The following TMEM131 variants were observed in gnomAD, a reference collection of about 807,000 sequenced individuals.
The protein encoded by TMEM131 is 2610524E03Rik.
TMEM131 carries 66 observed loss-of-function variants against 211.6 expected under a neutral mutation model. The observed-to-expected ratio is 0.31, with a 90% confidence interval of 0.26 to 0.38. The LOEUF is 0.38. TMEM131 is among the 10% of genes least tolerant of loss of function. The pLI is 1.00. For synonymous variants in TMEM131, 844 were observed against 841.3 expected, an observed-to-expected ratio of 1.00 and a Z score of -0.06; for missense variants, 2,036 against 2,299.3, an observed-to-expected ratio of 0.89 and a Z score of 2.34.
intron 4 of TMEM131, among the ~76,000 whole-genome samples, chr2:97,885,249 G>A (rs1675099793): frequency 6.6e-6 from 1 of 150,534 alleles, no homozygotes; most frequent in Non-Finnish European, 1.5e-5. Context: ...CCAGCCTGGA[G>A]GGCAGTGGCG....
intron 1 of TMEM131, among the ~76,000 whole-genome samples, chr2:97,993,542 G>A (rs528168422): frequency 1.3e-5 from 2 of 152,212 alleles, no homozygotes; most frequent in Non-Finnish European, 2.9e-5. Context: ...ATGATGGGTA[G>A]AGGCCTATGT....
chr2:97,792,552 G>A lies in TMEM131; in HGVS notation c.3978C>T (p.Leu1326=), dbSNP rs1022961029. Residue 1326 remains leucine, a synonymous_variant, in exon 31 of 41, where the codon CTC becomes CTT. Coordinates refer to ENST00000186436, the MANE Select transcript of TMEM131 (RefSeq NM_015348.2). Reference sequence around the variant, plus strand: ...CACGTTCTGGGTGGGAAGGGTGTGCGAGGGGGGCGGGAGACAGCCTTTCAG... The same window carrying A: ...CACGTTCTGGGTGGGAAGGGTGTGCAAGGGGGGCGGGAGACAGCCTTTCAG... ...PQPERLSPAP[L]AHPSHPERAS... 1.7e-5 allele frequency: 28 copies of A among 1,613,292 alleles called. No individual in the cohort carries two copies. Among genetic ancestry groups the A allele is most frequent in the East Asian group, 6.7e-5 (3 of 44,894 alleles).
chr2:97,830,788 C>T (rs915405476), intron 11 of TMEM131, among the ~76,000 whole-genome samples: 1 of 152,200 alleles, frequency 6.6e-6, no homozygotes, highest in Non-Finnish European at 1.5e-5. Context: ...CGCATCCTGT[C>T]TGTTAGCAGT....
At chr2:97,789,159 C>T (rs1245081070) in intron 31 of TMEM131, among the ~76,000 whole-genome samples, 3 of 152,244 alleles carry the variant, frequency 2.0e-5, no homozygotes, top group Non-Finnish European at 4.4e-5. Flanking sequence ...GTCCTCAAGT[C>T]CAGGCTCCGC....
intron 2 of TMEM131, among the ~76,000 whole-genome samples, chr2:97,915,299 A>G (rs1446912860): frequency 6.6e-6 from 1 of 152,058 alleles, no homozygotes; most frequent in Non-Finnish European, 1.5e-5. Context: ...ACATCTTCAC[A>G]TGGTCTTTTG....
chr2:97,865,194 A>G lies in TMEM131; in HGVS notation c.360-5767T>C, dbSNP rs185819251. Among the ~76,000 whole-genome samples the G allele has an allele frequency of 1.0e-3, 157 of 152,390 alleles. 1 individual carries two copies. The highest frequency in any genetic ancestry group is 3.4e-3 in the Middle Eastern group (1 of 294). ...CCCTTCTCAATACGCATTACCAGACAGTAGCTCATAAGTTCACACACCCAA... is the reference window on the plus strand; with the variant it reads ...CCCTTCTCAATACGCATTACCAGACGGTAGCTCATAAGTTCACACACCCAA... On this transcript the variant is annotated intron_variant, in intron 4 of 40. Coordinates refer to ENST00000186436, the MANE Select transcript of TMEM131 (RefSeq NM_015348.2).
intron 1 of TMEM131, among the ~76,000 whole-genome samples, chr2:97,974,398 G>A (rs1162810864): frequency 6.7e-6 from 1 of 149,918 alleles, no homozygotes; most frequent in Non-Finnish European, 1.5e-5. Flanking sequence ...AATGGGGTTG[G>A]GAGGAGGAGG....
At chr2:97,975,962 T>G (rs1679514847) in intron 1 of TMEM131, among the ~76,000 whole-genome samples, 1 of 152,142 alleles carries the variant, frequency 6.6e-6, no homozygotes, top group Admixed American at 6.5e-5. Context: ...TTCATCATGT[T>G]AACCAAAAAA....
At chr2:97,936,133 C>G (rs961332811) in intron 1 of TMEM131, among the ~76,000 whole-genome samples, 1 of 152,144 alleles carries the variant, frequency 6.6e-6, no homozygotes, top group African/African-American at 2.4e-5. Flanking sequence ...AAAGCCTCGA[C>G]CCTGGTAACA....
chr2:97,844,213 T>C lies in TMEM131; in HGVS notation c.532A>G (p.Arg178Gly). 7.5e-7 allele frequency: 1 copy of C among 1,335,292 alleles called. No individual in the cohort carries two copies. The highest frequency in any genetic ancestry group is 9.9e-7 in the Non-Finnish European group (1 of 1,009,314). The allele number at this position is 1,335,292 out of a possible 1,614,324, so 82.7% of individuals were successfully genotyped here. A position where few individuals can be genotyped will look rare whatever the true frequency, so the allele number is the denominator to read the frequency against. ...GTATTTTCTACATTTCCTACTACTC[T>C]TGCAAGAAAAACTACATCAAATGAT... ...NTSFDVVFLA[R>G]VVGNVENTLF... is the part of the protein sequence containing the mutation. The change falls in exon 6 of 41, where the codon AGA (arginine) becomes GGA (glycine). Residue 178 changes from arginine to glycine, a missense_variant. This residue lies in a region of TMEM131 where 277 missense variants were observed against 378.0 expected (regional missense o/e 0.73). Coordinates refer to ENST00000186436, the MANE Select transcript of TMEM131 (RefSeq NM_015348.2).
chr2:97,977,141 T>C (rs1304232432), intron 1 of TMEM131, among the ~76,000 whole-genome samples: 3 of 152,132 alleles, frequency 2.0e-5, no homozygotes, highest in African/African-American at 4.8e-5. Context: ...ACCAAAAACA[T>C]GATCTATAAA....
At chr2:97,831,213 T>C (rs74696414) in intron 11 of TMEM131, among the ~76,000 whole-genome samples, 2,713 of 152,294 alleles carry the variant, frequency 0.018, 113 homozygotes, top group East Asian at 0.15. Flanking sequence ...CAGTGACCTT[T>C]TACAACACAT....
At chr2:97,967,986 TTAC>T (rs1679132057) in intron 1 of TMEM131, among the ~76,000 whole-genome samples, 3 of 151,972 alleles carry the variant, frequency 2.0e-5, no homozygotes, top group Non-Finnish European at 4.4e-5. Flanking sequence ...CTATAATGTC[TTAC>T]TGCCTAAGAC....
chr2:97,915,193 T>TA (rs1467562600), intron 2 of TMEM131, among the ~76,000 whole-genome samples: 1 of 152,272 alleles, frequency 6.6e-6, no homozygotes, highest in African/African-American at 2.4e-5. Context: ...ATTTTTATAC[T>TA]ATTGAGTTTC....
At chr2:97,854,407 A>G (rs906420399) in intron 5 of TMEM131, among the ~76,000 whole-genome samples, 1 of 152,192 alleles carries the variant, frequency 6.6e-6, no homozygotes, top group African/African-American at 2.4e-5. Context: ...AACGGAACCC[A>G]TAATATCTCC....
At position 97,812,422 on chromosome 2, in the gene TMEM131, G is replaced by A. The variant is rs752556643; in HGVS notation, c.1862C>T (p.Ser621Leu). 8 of 1,598,380 alleles carry A rather than the reference G, an allele frequency of 5.0e-6. No homozygotes were observed. Among genetic ancestry groups the A allele is most frequent in the East Asian group, 2.2e-5 (1 of 44,744 alleles). Residue 621 changes from serine (S) to leucine (L), a missense_variant and splice_region_variant, in exon 17 of 41, where the codon TCG becomes TTG. Physicochemically the swap from Ser to Leu is moderately radical, Grantham distance 145 (BLOSUM62 -2). Coordinates refer to ENST00000186436, the MANE Select transcript of TMEM131 (RefSeq NM_015348.2). Reference sequence around the variant, plus strand: ...GGAGACAATAGAAAGTTTACTTACCGATGATTGATCTGATAAAGAGGATTT... The same window carrying A: ...GGAGACAATAGAAAGTTTACTTACCAATGATTGATCTGATAAAGAGGATTT... ...FEKSSLSDQS[S>L]VTLASGYFAV...
At chr2:97,983,087 G>A (rs1248889379) in intron 1 of TMEM131, among the ~76,000 whole-genome samples, 1 of 152,130 alleles carries the variant, frequency 6.6e-6, no homozygotes, top group African/African-American at 2.4e-5. Flanking sequence ...GAAGCTCAGG[G>A]GTTGCCTTTG....
At chr2:97,831,950 A>C (rs1421967247) in intron 11 of TMEM131, among the ~76,000 whole-genome samples, 1 of 133,036 alleles carries the variant, frequency 7.5e-6, no homozygotes, top group Non-Finnish European at 1.6e-5. Flanking sequence ...TACAGGCGTG[A>C]GGCCACCATG....
At chr2:97,831,839 G>A (rs1441894227) in intron 11 of TMEM131, among the ~76,000 whole-genome samples, 2 of 150,932 alleles carry the variant, frequency 1.3e-5, no homozygotes, top group African/African-American at 2.4e-5. Context: ...GCTAATTTTT[G>A]TATTTTTGGT....
Sources: gnomAD v4.1 joint callset for allele counts (sites outside exome capture counted in the v4.1 genomes callset) on GRCh38, gnomAD v4.1.1 for gene constraint, gnomAD v4.1.1 regional missense constraint, MANE v1.5 for transcripts, NCBI Gene and HGNC (gene_info 2026-07-23, HGNC 2026-07-21) for gene names.